The following LINGO2 variants were observed in gnomAD, a reference collection of about 807,000 sequenced individuals.
The protein encoded by LINGO2 is leucine-rich repeat and immunoglobulin-like domain-containing nogo receptor-interacting protein 2.
LINGO2 carries 14 observed loss-of-function variants against 30.6 expected under a neutral mutation model. That is an observed-to-expected ratio of 0.46 (90% CI 0.30 to 0.72). The LOEUF is 0.72. Ranked by LOEUF, LINGO2 falls within the 30% of genes least tolerant of loss-of-function variation. LINGO2 has a pLI of 0.07. For missense variants in LINGO2, 729 were observed against 751.7 expected (o/e 0.97, Z 0.35); for synonymous variants, 317 against 288.5 (o/e 1.10, Z -1.00).
intron 2 of LINGO2, among the ~76,000 whole-genome samples, chr9:28,455,638 T>C (rs1224133732): frequency 1.3e-5 from 2 of 152,144 alleles, no homozygotes; most frequent in Non-Finnish European, 2.9e-5. Flanking sequence ...TGTAAATCTA[T>C]GCTCTCGTGA....
At chr9:28,992,244 C>G in the LINGO2 span, among the ~76,000 whole-genome samples, 1 of 151,644 alleles carries the variant, frequency 6.6e-6, no homozygotes, top group Non-Finnish European at 1.5e-5. Context: ...GACTTTAAAC[C>G]AACAAAGATC....
chr9:28,992,234 G>C, the LINGO2 span, among the ~76,000 whole-genome samples: 1 of 151,830 alleles, frequency 6.6e-6, no homozygotes, highest in East Asian at 2.0e-4. Flanking sequence ...TGATAAAACA[G>C]ACTTTAAACC....
At chr9:29,127,458 C>A in the LINGO2 span, among the ~76,000 whole-genome samples, 2 of 151,962 alleles carry the variant, frequency 1.3e-5, no homozygotes, top group African/African-American at 4.8e-5. Context: ...CTCTCTCTGT[C>A]TTTTTCTCTT....
intron 5 of LINGO2, among the ~76,000 whole-genome samples, chr9:27,994,539 G>C (rs982865309): frequency 5.3e-5 from 8 of 152,058 alleles, no homozygotes; most frequent in African/African-American, 1.9e-4. Context: ...ATATGAGGAG[G>C]GGAAGTTCCT....
chr9:28,419,739 T>C (rs1261307827), intron 2 of LINGO2, among the ~76,000 whole-genome samples: 2 of 152,094 alleles, frequency 1.3e-5, no homozygotes, highest in African/African-American at 4.8e-5. Flanking sequence ...AAAATTTCTA[T>C]TCTGAAGAAT....
At chr9:28,182,380 A>T (rs1819378687) in intron 4 of LINGO2, among the ~76,000 whole-genome samples, 1 of 152,230 alleles carries the variant, frequency 6.6e-6, no homozygotes, top group Non-Finnish European at 1.5e-5. Flanking sequence ...AATCTAGGCA[A>T]TACCATTCAG....
chr9:28,957,647 G>T, the LINGO2 span, among the ~76,000 whole-genome samples: 30 of 152,066 alleles, frequency 2.0e-4, no homozygotes, highest in Admixed American at 1.1e-3. Flanking sequence ...AAGTTGAGTG[G>T]CTTCCATTTT....
At chr9:28,963,246 T>C in the LINGO2 span, among the ~76,000 whole-genome samples, 1 of 151,942 alleles carries the variant, frequency 6.6e-6, no homozygotes, top group Non-Finnish European at 1.5e-5. Context: ...TCACTATAAG[T>C]ATTTAGCATT....
intron 2 of LINGO2, among the ~76,000 whole-genome samples, chr9:28,437,592 C>CA (rs1824004413): frequency 4.0e-5 from 6 of 149,136 alleles, no homozygotes; most frequent in African/African-American, 1.5e-4. Context: ...CGCACACACA[C>CA]CCACACACAC....
At chr9:29,150,151 C>T in the LINGO2 span, among the ~76,000 whole-genome samples, 1 of 152,164 alleles carries the variant, frequency 6.6e-6, no homozygotes, top group African/African-American at 2.4e-5. Context: ...GCCCAAATCA[C>T]AATACCAAAA....
At chr9:28,806,226 T>C in the LINGO2 span, among the ~76,000 whole-genome samples, 1 of 152,178 alleles carries the variant, frequency 6.6e-6, no homozygotes, top group African/African-American at 2.4e-5. Flanking sequence ...TTAAGTGATT[T>C]CCCAGAAATT....
At chr9:28,156,505 G>C (rs770005183) in intron 4 of LINGO2, among the ~76,000 whole-genome samples, 2 of 152,124 alleles carry the variant, frequency 1.3e-5, no homozygotes, top group African/African-American at 2.4e-5. Context: ...AGTACAGAGA[G>C]GTTTAACGTT....
In LINGO2 at chr9:28,173,565, A is replaced by T. The variant is rs116593491; in HGVS notation, c.-87+121643T>A. 2.2e-3 allele frequency among the ~76,000 whole-genome samples: 335 copies of T among 152,330 alleles called. 1 individual carries two copies. Among genetic ancestry groups the T allele is most frequent in the African/African-American group, 6.5e-3 (269 of 41,592 alleles). On this transcript the variant is annotated intron_variant, in intron 4 of 5. Transcript: ENST00000379992. ...CAGGAAAAGGAGAAAGTGCATCTCC[A>T]TGGGAGAAGTGTCACAATGGGGATA...
At chr9:28,395,257 T>C (rs1480090850) in intron 2 of LINGO2, among the ~76,000 whole-genome samples, 1 of 152,010 alleles carries the variant, frequency 6.6e-6, no homozygotes, top group Non-Finnish European at 1.5e-5. Context: ...TATGTAGTTA[T>C]AAGAAACGAA....
the LINGO2 span, among the ~76,000 whole-genome samples, chr9:28,906,766 G>A: frequency 3.3e-5 from 5 of 151,882 alleles, no homozygotes; most frequent in South Asian, 1.0e-3. Flanking sequence ...TGCAAAAGAT[G>A]TATAAAATAA....
the LINGO2 span, among the ~76,000 whole-genome samples, chr9:28,767,647 G>A: frequency 1.3e-5 from 2 of 151,912 alleles, no homozygotes; most frequent in African/African-American, 4.8e-5. Context: ...TTAGCCGGGC[G>A]TGGTGGTGGG....
the LINGO2 span, among the ~76,000 whole-genome samples, chr9:29,070,519 A>G: frequency 2.0e-5 from 3 of 152,254 alleles, no homozygotes; most frequent in East Asian, 1.9e-4. Flanking sequence ...AAATACCTCA[A>G]GAAGAAGGCT....
At chr9:28,104,810 G>T (rs1204448132) in intron 4 of LINGO2, among the ~76,000 whole-genome samples, 1 of 151,918 alleles carries the variant, frequency 6.6e-6, no homozygotes, top group Admixed American at 6.6e-5. Context: ...AGAAATCAAA[G>T]AAATATTGTT....
chr9:28,626,338 A>G lies in LINGO2; in HGVS notation c.-365+43862T>C, dbSNP rs76152217. Reference sequence around the variant, plus strand: ...GAGATAAGTATTGTAATTTTTTCCAATTTGGGGTTTGCATTTTCATTTCAT... The same window carrying G: ...GAGATAAGTATTGTAATTTTTTCCAGTTTGGGGTTTGCATTTTCATTTCAT... On this transcript the variant is annotated intron_variant, in intron 1 of 5. Coordinates refer to ENST00000379992, the Ensembl canonical transcript of LINGO2. Among the ~76,000 whole-genome samples the G allele has an allele frequency of 6.1e-3, 923 of 152,088 alleles. 6 individuals carry two copies. The highest frequency in any genetic ancestry group is 9.6e-3 in the Non-Finnish European group (651 of 67,924).
Sources: gnomAD v4.1 joint callset for allele counts (sites outside exome capture counted in the v4.1 genomes callset) on GRCh38, gnomAD v4.1.1 for gene constraint, MANE v1.5 for transcripts, NCBI Gene and HGNC (gene_info 2026-07-23, HGNC 2026-07-21) for gene names.